Variants in DSCAM observed in about 807,000 individuals in gnomAD.
DSCAM encodes the protein DS cell adhesion molecule, also known as cell adhesion molecule DSCAM.
Under a neutral mutation model 217.7 loss-of-function variants are expected in DSCAM, and 47 were observed. That is an observed-to-expected ratio of 0.22 (90% CI 0.17 to 0.28). The LOEUF is 0.28. DSCAM is among the 10% of genes least tolerant of loss of function. The pLI is 1.00. For missense variants in DSCAM, 2,080 were observed against 2,618.3 expected, an observed-to-expected ratio of 0.79 and a Z score of 4.49; for synonymous variants, 1,056 against 1,015.3, an observed-to-expected ratio of 1.04 and a Z score of -0.76.
intron 32 of DSCAM, among the ~76,000 whole-genome samples, chr21:40,017,960 C>T (rs985705754): frequency 6.6e-6 from 1 of 152,192 alleles, no homozygotes; most frequent in Non-Finnish European, 1.5e-5. Flanking sequence ...TGGCATGAGG[C>T]CTACCCATTA....
At chr21:40,750,059 C>G (rs925422391) in intron 1 of DSCAM, among the ~76,000 whole-genome samples, 1 of 152,048 alleles carries the variant, frequency 6.6e-6, no homozygotes, top group African/African-American at 2.4e-5. Context: ...TCCTGAGTAG[C>G]TGCGATTACA....
chr21:40,601,773 A>T (rs1421800297), intron 3 of DSCAM, among the ~76,000 whole-genome samples: 1 of 152,138 alleles, frequency 6.6e-6, no homozygotes, highest in Non-Finnish European at 1.5e-5. Context: ...TGATCATATG[A>T]TTTTCATTCT....
chr21:40,353,575 A>G lies in DSCAM; in HGVS notation c.824T>C (p.Val275Ala), dbSNP rs756041282. 4.1e-5 allele frequency: 66 copies of G among 1,610,492 alleles called. No homozygotes were observed. Among genetic ancestry groups the G allele is most frequent in the Non-Finnish European group, 5.3e-5 (63 of 1,179,160 alleles). ...LELSGRFQKT[V>A]TGLLIENIRP... ...AATGTTCTCAATGAGCAGCCCCGTCACGGTCTTCTGGAACCTCCCTGAAAG... is the reference window on the plus strand; with the variant it reads ...AATGTTCTCAATGAGCAGCCCCGTCGCGGTCTTCTGGAACCTCCCTGAAAG... Residue 275 changes from valine (V) to alanine (A), a missense_variant, in exon 5 of 33, where the codon GTG becomes GCG. Val to Ala is a moderately conservative substitution (Grantham distance 64). This residue lies in a region of DSCAM where 568 missense variants were observed against 678.1 expected (regional missense o/e 0.84). Coordinates refer to ENST00000400454, the MANE Select transcript of DSCAM (RefSeq NM_001389.5).
intron 15 of DSCAM, among the ~76,000 whole-genome samples, chr21:40,170,600 A>T (rs190759764): frequency 6.6e-6 from 1 of 152,320 alleles, no homozygotes; most frequent in Non-Finnish European, 1.5e-5. Flanking sequence ...TTTCTTGCAC[A>T]TGGGGTCAAG....
intron 10 of DSCAM, among the ~76,000 whole-genome samples, chr21:40,280,094 G>A (rs1253804001): frequency 1.3e-5 from 2 of 150,232 alleles, no homozygotes; most frequent in South Asian, 2.1e-4. Context: ...AAACCTACAC[G>A]TTCTGCACAT....
At chr21:40,206,845 A>T (rs543145137) in intron 11 of DSCAM, among the ~76,000 whole-genome samples, 1 of 152,356 alleles carries the variant, frequency 6.6e-6, no homozygotes, top group East Asian at 1.9e-4. Flanking sequence ...CAACAGGTCA[A>T]GGCTGCAGTG....
intron 3 of DSCAM, among the ~76,000 whole-genome samples, chr21:40,657,034 C>T (rs1281251414): frequency 6.6e-6 from 1 of 152,144 alleles, no homozygotes; most frequent in East Asian, 1.9e-4. Flanking sequence ...AAAATCTGTG[C>T]TCAATAAAGA....
intron 3 of DSCAM, among the ~76,000 whole-genome samples, chr21:40,562,291 T>C (rs935411002): frequency 1.3e-5 from 2 of 152,200 alleles, no homozygotes; most frequent in Non-Finnish European, 2.9e-5. Context: ...ATGTTAGTTT[T>C]TCCCAGACTC....
At chr21:40,819,277 G>T (rs771195911) in intron 1 of DSCAM, among the ~76,000 whole-genome samples, 1 of 152,338 alleles carries the variant, frequency 6.6e-6, no homozygotes, top group Admixed American at 6.5e-5. Flanking sequence ...ACATTTTACC[G>T]TAATTGAACA....
chr21:40,276,700 G>C (rs1569037198), intron 10 of DSCAM, among the ~76,000 whole-genome samples: 2 of 152,154 alleles, frequency 1.3e-5, no homozygotes, highest in Middle Eastern at 3.2e-3. Flanking sequence ...TGAAGTCTTT[G>C]CTCACTGCAC....
intron 3 of DSCAM, among the ~76,000 whole-genome samples, chr21:40,411,173 TATACACACACACACACACACAC>T (rs1195604077): frequency 1.4e-4 from 19 of 134,848 alleles, no homozygotes; most frequent in East Asian, 6.5e-4. Flanking sequence ...ACAGTAATTA[TATACACACACACACACACACAC>T]ACACACACAC....
At chr21:40,128,499 T>C (rs1427544853) in intron 19 of DSCAM, among the ~76,000 whole-genome samples, 1 of 151,920 alleles carries the variant, frequency 6.6e-6, no homozygotes, top group Non-Finnish European at 1.5e-5. Flanking sequence ...AAAAGGAAAG[T>C]TTCCTGGGTG....
intron 32 of DSCAM, among the ~76,000 whole-genome samples, chr21:40,033,710 T>G (rs963742777): frequency 4.0e-5 from 6 of 151,464 alleles, no homozygotes; most frequent in African/African-American, 1.5e-4. Context: ...CTCTGTAGGC[T>G]CCACCTCTAG....
At chr21:40,576,936 G>A (rs923623407) in intron 3 of DSCAM, among the ~76,000 whole-genome samples, 2 of 150,776 alleles carry the variant, frequency 1.3e-5, no homozygotes, top group Non-Finnish European at 2.9e-5. Context: ...TTTGAGACGA[G>A]TATACATATG....
At chr21:40,837,968 C>G (rs1480261497) in intron 1 of DSCAM, among the ~76,000 whole-genome samples, 1 of 152,162 alleles carries the variant, frequency 6.6e-6, no homozygotes, top group Non-Finnish European at 1.5e-5. Flanking sequence ...CTTGGATTTT[C>G]TGTATCTCTA....
chr21:40,401,473 C>T (rs2075233377), intron 3 of DSCAM, among the ~76,000 whole-genome samples: 2 of 152,152 alleles, frequency 1.3e-5, no homozygotes, highest in Admixed American at 1.3e-4. Context: ...TTGGATCCCG[C>T]AGCCTTGACA....
chr21:40,629,709 G>A (rs2146316138), intron 3 of DSCAM: 1 of 152,318 alleles, frequency 6.6e-6, no homozygotes, highest in Non-Finnish European at 1.5e-5. Flanking sequence ...GGTGCTGAAG[G>A]TTGTTAGCCT....
intron 4 of DSCAM, among the ~76,000 whole-genome samples, chr21:40,365,901 C>G (rs1260906346): frequency 6.6e-6 from 1 of 151,988 alleles, no homozygotes; most frequent in African/African-American, 2.4e-5. Flanking sequence ...GAAATCAAGA[C>G]CATTTTAAAA....
intron 3 of DSCAM, among the ~76,000 whole-genome samples, chr21:40,622,165 T>TC (rs1480072969): frequency 1.3e-5 from 2 of 152,144 alleles, no homozygotes; most frequent in Non-Finnish European, 2.9e-5. Context: ...CCCACAATTA[T>TC]CACCTGCCTC....
Sources: gnomAD v4.1 joint callset for allele counts (sites outside exome capture counted in the v4.1 genomes callset) on GRCh38, gnomAD v4.1.1 for gene constraint, gnomAD v4.1.1 regional missense constraint, MANE v1.5 for transcripts, NCBI Gene and HGNC (gene_info 2026-07-23, HGNC 2026-07-21) for gene names.